Variants in ERAP1 observed in about 807,000 individuals in gnomAD.
The protein encoded by ERAP1 is endoplasmic reticulum aminopeptidase 1, also known as adipocyte-derived leucine aminopeptidase.
Under a neutral mutation model 103.7 loss-of-function variants are expected in ERAP1, and 86 were observed. That is an observed-to-expected ratio of 0.83 (90% CI 0.70 to 0.99). The LOEUF (loss-of-function observed/expected upper bound fraction) is 0.99, where lower values mean the gene tolerates loss of function less well. Ranked by LOEUF, ERAP1 falls within the 50% of genes least tolerant of loss-of-function variation. The pLI is 0.00. For synonymous variants in ERAP1, 398 were observed against 402.4 expected (o/e 0.99, Z 0.13); for missense variants, 1,009 against 1,128.4 (o/e 0.89, Z 1.52).
At chr5:96,864,811 T>C in the ERAP1 span, among the ~76,000 whole-genome samples, 1 of 152,232 alleles carries the variant, frequency 6.6e-6, no homozygotes, top group Admixed American at 6.5e-5. Context: ...AAGGGAACAA[T>C]ACTTTTTTTT....
chr5:96,814,604 T>G, the ERAP1 span, among the ~76,000 whole-genome samples: 115 of 152,304 alleles, frequency 7.6e-4, no homozygotes, highest in African/African-American at 2.6e-3. Context: ...ATAAGAGATA[T>G]TCATGAGAAA....
the ERAP1 span, chr5:96,935,821 G>A: frequency 6.0e-6 from 2 of 335,410 alleles, no homozygotes; most frequent in South Asian, 4.6e-5. Context: ...ACTGAACACC[G>A]TTCCCGGCCG....
At chr5:96,932,439 A>T in the ERAP1 span, among the ~76,000 whole-genome samples, 3 of 152,270 alleles carry the variant, frequency 2.0e-5, no homozygotes, top group African/African-American at 7.2e-5. Flanking sequence ...GATTAATGGA[A>T]TAGACTTCTA....
the ERAP1 span, among the ~76,000 whole-genome samples, chr5:96,893,242 T>C: frequency 2.0e-5 from 3 of 152,214 alleles, no homozygotes; most frequent in African/African-American, 7.2e-5. Flanking sequence ...CTCTCAGTAA[T>C]GCAGTAAATT....
the ERAP1 span, chr5:96,909,095 C>T: frequency 2.5e-6 from 4 of 1,613,938 alleles, no homozygotes; most frequent in South Asian, 4.4e-5. Context: ...AGGAATATTT[C>T]AGATATCTCT....
At chr5:96,909,987 T>G in the ERAP1 span, 1 of 430,372 alleles carries the variant, frequency 2.3e-6, no homozygotes, top group South Asian at 3.0e-5. Flanking sequence ...CGGTGCTGGC[T>G]GGATGCAGTG....
At position 96,783,106 on chromosome 5, in the gene ERAP1, C is replaced by A. The variant is rs370949768; in HGVS notation, c.2230G>T (p.Val744Leu). 2 of 1,614,166 alleles carry A rather than the reference C, an allele frequency of 1.2e-6. No homozygotes were observed. Among genetic ancestry groups the A allele is most frequent in the Non-Finnish European group, 1.7e-6 (2 of 1,180,040 alleles). ...LACVHNYQPCVQRAEGYFRKW... is the reference protein window; with the variant it reads ...LACVHNYQPCLQRAEGYFRKW... ...CTGAAATAGCCTTCTGCCCTCTGTA[C>A]GCACGGCTGATAGTTGTGCACACAG... is the stretch of plus-strand genomic sequence containing the variant. Residue 744 changes from valine (V) to leucine (L), a missense_variant, in exon 15 of 19, where the codon GTA becomes TTA. Coordinates refer to ENST00000443439, the MANE Select transcript of ERAP1 (RefSeq NM_001040458.3).
chr5:96,900,091 T>C, the ERAP1 span: 1 of 1,613,448 alleles, frequency 6.2e-7, no homozygotes, highest in Non-Finnish European at 8.5e-7. Context: ...GATGCCTACA[T>C]TGCAGTGCTC....
At chr5:96,812,033 T>G (rs1289199403), upstream of ERAP1, among the ~76,000 whole-genome samples, 3 of 152,250 alleles carry the variant, frequency 2.0e-5, no homozygotes, top group Non-Finnish European at 4.4e-5. Flanking sequence ...CCATGACATA[T>G]TTCTTAAATT....
chr5:96,802,542 T>C (rs545952845), intron 2 of ERAP1, among the ~76,000 whole-genome samples: 23 of 152,348 alleles, frequency 1.5e-4, no homozygotes, highest in African/African-American at 5.5e-4. Flanking sequence ...TAGTATAATC[T>C]ACCAACAAAT....
intron 17 of ERAP1, 82 bp downstream of exon 17, chr5:96,780,976 T>C: frequency 1.3e-6 from 2 of 1,520,760 alleles, no homozygotes; most frequent in African/African-American, 1.4e-5. Flanking sequence ...AGACTGTTAC[T>C]GTTCTTTTAC....
At chr5:96,773,865 T>G (rs901878359), downstream of ERAP1, 3 of 152,294 alleles carry the variant, frequency 2.0e-5, no homozygotes, top group Admixed American at 6.5e-5. Context: ...TTAGCATCAG[T>G]TTGAAGCTTT....
At chr5:96,804,329 T>C (rs1010085644) in intron 1 of ERAP1, 3 of 319,690 alleles carry the variant, frequency 9.4e-6, no homozygotes, top group East Asian at 8.7e-5. Context: ...ACCAGGCTCA[T>C]GAAAGAAGCA....
chr5:96,776,223 T>TAGCCCATTCATGAAAA lies in ERAP1; in HGVS notation c.*157_*172dup, dbSNP rs3832369. 0.27 allele frequency: 401,420 copies of TAGCCCATTCATGAAAA among 1,484,706 alleles called. 58,971 individuals are homozygous for TAGCCCATTCATGAAAA. The highest frequency in any genetic ancestry group is 0.3 in the Non-Finnish European group (338,585 of 1,117,990). 92.0% of individuals were successfully genotyped at this position (1,484,706 alleles called of 1,614,324 possible). A position where few individuals can be genotyped will look rare whatever the true frequency, so the allele number is the denominator to read the frequency against. On this transcript the variant is annotated 3_prime_UTR_variant, in exon 19 of 19. Coordinates refer to ENST00000443439, the MANE Select transcript of ERAP1 (RefSeq NM_001040458.3). ...TGATGAACAAAACACATGGTAGCGATAGCCCATTCATGAAAAACTAACAGC... is the reference window on the plus strand; with the variant it reads ...TGATGAACAAAACACATGGTAGCGATAGCCCATTCATGAAAAAGCCCATTCATGAAAAACTAACAGC...
intron 2 of ERAP1, 124 bp downstream of exon 2, chr5:96,803,279 T>C (rs1446710590): frequency 3.0e-6 from 3 of 989,086 alleles, no homozygotes; most frequent in South Asian, 3.1e-5. Flanking sequence ...ATAAAGAAGA[T>C]GCAAAAGCAA....
At chr5:96,887,651 T>C in the ERAP1 span, among the ~76,000 whole-genome samples, 1 of 152,248 alleles carries the variant, frequency 6.6e-6, no homozygotes, top group Non-Finnish European at 1.5e-5. Context: ...AAGATCTTTA[T>C]AATTTTTAGA....
At chr5:96,889,406 G>A in the ERAP1 span, 1 of 1,305,804 alleles carries the variant, frequency 7.7e-7, no homozygotes, top group Admixed American at 1.7e-5. Flanking sequence ...GAGCACTGAG[G>A]AATTCAGTTA....
At chr5:96,860,693 A>G in the ERAP1 span, among the ~76,000 whole-genome samples, 15 of 152,292 alleles carry the variant, frequency 9.8e-5, no homozygotes, top group African/African-American at 3.1e-4. Flanking sequence ...GACTTCCACA[A>G]GAAGGAGTTG....
chr5:96,762,253 T>C (rs1372893839), exon 20 of ERAP1: 1 of 1,550,372 alleles, frequency 6.5e-7, no homozygotes, highest in East Asian at 2.3e-5. Flanking sequence ...ATGTTACTAA[T>C]AAAATTTTTT....
Sources: allele counts gnomAD v4.1 joint callset (sites outside exome capture counted in the v4.1 genomes callset), GRCh38; gene constraint gnomAD v4.1.1; transcripts MANE v1.5; gene names NCBI Gene and HGNC (gene_info 2026-07-23, HGNC 2026-07-21).